The following GRM7 variants were observed in gnomAD, a reference collection of about 807,000 sequenced individuals.
GRM7 encodes the protein metabotropic glutamate receptor 7.
A neutral mutation model predicts 84.5 loss-of-function variants in GRM7; 35 were observed. The ratio of observed to expected loss-of-function variants is 0.41; its 90% CI spans 0.32 to 0.55. GRM7 has a LOEUF of 0.55. GRM7 is among the 20% of genes least tolerant of loss of function. GRM7 has a pLI of 0.19. For missense variants in GRM7, 1,003 were observed against 1,194.6 expected, an observed-to-expected ratio of 0.84 and a Z score of 2.36; for synonymous variants, 487 against 455.1, an observed-to-expected ratio of 1.07 and a Z score of -0.89.
intron 4 of GRM7, among the ~76,000 whole-genome samples, chr3:7,321,206 AT>A (rs1700768583): frequency 6.6e-6 from 1 of 152,034 alleles, no homozygotes; most frequent in Admixed American, 6.6e-5. Flanking sequence ...GAAATGAATT[AT>A]TTTTGTTCTG....
chr3:7,442,921 A>G (rs192072690), intron 5 of GRM7, among the ~76,000 whole-genome samples: 167 of 152,166 alleles, frequency 1.1e-3, no homozygotes, highest in Middle Eastern at 6.8e-3. Flanking sequence ...CATGGTAGAT[A>G]TCCTTAGATG....
At chr3:7,381,395 A>G (rs1694584979) in intron 4 of GRM7, among the ~76,000 whole-genome samples, 1 of 152,118 alleles carries the variant, frequency 6.6e-6, no homozygotes, top group South Asian at 2.1e-4. Flanking sequence ...TAAGTCCTAT[A>G]TCATGTGCAG....
At chr3:7,446,816 C>A (rs993297342) in intron 5 of GRM7, among the ~76,000 whole-genome samples, 1 of 151,934 alleles carries the variant, frequency 6.6e-6, no homozygotes, top group South Asian at 2.1e-4. Context: ...TTTTCCATAT[C>A]TTTTTTATCC....
chr3:7,000,192 GAC>G (rs1694960392), intron 1 of GRM7, among the ~76,000 whole-genome samples: 1 of 81,566 alleles, frequency 1.2e-5, no homozygotes, highest in African/African-American at 4.9e-5. Context: ...TTTTTTTTTA[GAC>G]AGAATTCCGC....
At chr3:7,051,107 T>C (rs979830211) in intron 1 of GRM7, among the ~76,000 whole-genome samples, 2 of 151,826 alleles carry the variant, frequency 1.3e-5, no homozygotes, top group Non-Finnish European at 2.9e-5. Context: ...GGATCACTGC[T>C]TGAATTAAAG....
At chr3:7,064,249 C>T (rs1697540677) in intron 1 of GRM7, among the ~76,000 whole-genome samples, 1 of 150,412 alleles carries the variant, frequency 6.6e-6, no homozygotes, top group Non-Finnish European at 1.5e-5. Flanking sequence ...CACTCTTCCC[C>T]CCAAGTCCCC....
intron 1 of GRM7, among the ~76,000 whole-genome samples, chr3:7,018,595 AG>A (rs1413084896): frequency 6.6e-6 from 1 of 152,214 alleles, no homozygotes; most frequent in Non-Finnish European, 1.5e-5. Context: ...GGCTGAGCGT[AG>A]GAAGTGAGTG....
At chr3:7,677,484 T>C (rs1382746788) in intron 8 of GRM7, among the ~76,000 whole-genome samples, 1 of 152,112 alleles carries the variant, frequency 6.6e-6, no homozygotes, top group Non-Finnish European at 1.5e-5. Flanking sequence ...TGAACTCAGA[T>C]AGACTAGCTC....
intron 7 of GRM7, among the ~76,000 whole-genome samples, chr3:7,570,079 G>A (rs545710386): frequency 9.2e-5 from 14 of 151,872 alleles, no homozygotes; most frequent in African/African-American, 2.9e-4. Context: ...GGAAAGAACC[G>A]CCCCCATAAT....
intron 1 of GRM7, among the ~76,000 whole-genome samples, chr3:7,113,015 C>T (rs1014759147): frequency 6.6e-6 from 1 of 151,992 alleles, no homozygotes; most frequent in Non-Finnish European, 1.5e-5. Context: ...TAGATGAAAA[C>T]TCTGTAGGAA....
At chr3:7,196,907 CATAAACAA>C in intron 2 of GRM7, among the ~76,000 whole-genome samples, 1 of 152,164 alleles carries the variant, frequency 6.6e-6, no homozygotes, top group Middle Eastern at 3.4e-3. Flanking sequence ...ATACTGAATA[CATAAACAA>C]ATAAACAAAT....
intron 1 of GRM7, among the ~76,000 whole-genome samples, chr3:6,894,421 A>G (rs28437102): frequency 0.12 from 17,696 of 152,158 alleles, 1,177 homozygotes; most frequent in African/African-American, 0.17. Flanking sequence ...TCTTTAGGTG[A>G]TATTATATTG....
chr3:7,699,585 A>G (rs162769), intron 9 of GRM7, among the ~76,000 whole-genome samples: 24,661 of 152,170 alleles, frequency 0.16, 2,506 homozygotes, highest in African/African-American at 0.28. Flanking sequence ...ATCTAATCAT[A>G]AAATTCATCC....
chr3:6,864,096 C>G (rs1694859394), intron 1 of GRM7, among the ~76,000 whole-genome samples: 1 of 152,144 alleles, frequency 6.6e-6, no homozygotes, highest in Admixed American at 6.5e-5. Flanking sequence ...AGCGTTATGG[C>G]TGGGGAGTAA....
chr3:7,365,647 G>GTATATATATATA (rs755999982), intron 4 of GRM7, among the ~76,000 whole-genome samples: 30 of 130,046 alleles, frequency 2.3e-4, no homozygotes, highest in African/African-American at 7.6e-4. Context: ...GTGCGTGTGT[G>GTATATATATATA]TATATATATA....
At chr3:6,993,217 G>A (rs550390657) in intron 1 of GRM7, among the ~76,000 whole-genome samples, 53 of 152,214 alleles carry the variant, frequency 3.5e-4, no homozygotes, top group Admixed American at 1.2e-3. Flanking sequence ...TGGGGGAAAC[G>A]GCCCTCATGA....
chr3:6,935,020 A>G (rs888271599), intron 1 of GRM7, among the ~76,000 whole-genome samples: 2 of 152,212 alleles, frequency 1.3e-5, no homozygotes, highest in African/African-American at 4.8e-5. Flanking sequence ...CTTTTGGTTC[A>G]TTGATCATTA....
chr3:7,327,628 A>C (rs1426679533), intron 4 of GRM7, among the ~76,000 whole-genome samples: 1 of 152,226 alleles, frequency 6.6e-6, no homozygotes. Flanking sequence ...AGTATAAAGT[A>C]TTCCTAAAAT....
At chr3:7,655,422 A>T (rs1341840077) in intron 8 of GRM7, among the ~76,000 whole-genome samples, 1 of 152,038 alleles carries the variant, frequency 6.6e-6, no homozygotes, top group Non-Finnish European at 1.5e-5. Flanking sequence ...AGAGTTATAA[A>T]ACCCATCCCA....
Sources: allele counts gnomAD v4.1 joint callset (sites outside exome capture counted in the v4.1 genomes callset), GRCh38; gene constraint gnomAD v4.1.1; transcripts MANE v1.5; gene names NCBI Gene and HGNC (gene_info 2026-07-23, HGNC 2026-07-21).